WWOX: variants seen among roughly 807,000 people sequenced by gnomAD.
The protein encoded by WWOX is WW domain containing oxidoreductase.
WWOX carries 69 observed loss-of-function variants against 46.2 expected under a neutral mutation model. The observed-to-expected ratio is 1.49, with a 90% CI of 1.23 to 1.82. The LOEUF (loss-of-function observed/expected upper bound fraction) is 1.82, where lower values mean the gene tolerates loss of function less well. WWOX is among the 40% of genes most tolerant of loss of function. The pLI is 0.00. For synonymous variants in WWOX, 359 were observed against 202.6 expected (o/e 1.77, Z -6.56); for missense variants, 919 against 542.6 (o/e 1.69, Z -6.89).
At chr16:78,820,039 A>G (rs78693240) in intron 8 of WWOX, among the ~76,000 whole-genome samples, 6,662 of 152,260 alleles carry the variant, frequency 0.044, 186 homozygotes, top group Non-Finnish European at 0.063. Flanking sequence ...TAACTCTGGC[A>G]TTGTTCTTAC....
rs199602602 is a variant in WWOX at position 79,065,854 on chromosome 16, C to T, written c.1057-145754C>T. Among the ~76,000 whole-genome samples the T allele has an allele frequency of 1.2e-4, 13 of 105,632 alleles. No individual in the cohort carries two copies. In the East Asian group the frequency reaches 1.4e-3, roughly 12 times the overall value. The allele number at this position is 105,632 out of a possible 152,430, so 69.3% of individuals were successfully genotyped here. ...TAGAAGCAAGATGGAGTCAGCTATG[C>T]TGTCATATTCCTCTTATGGTCACAA... On this transcript the variant is annotated intron_variant, in intron 8 of 8. Transcript: ENST00000566780.
Position 79,072,273 on chromosome 16 carries a change from G to A in WWOX, c.1057-139335G>A, listed in dbSNP as rs189909359. On this transcript the variant is annotated intron_variant, in intron 8 of 8. Transcript: ENST00000566780. ...TGCAATCTAGCCTGAGTAACAGAAT[G>A]AGACTGTCCCCCCAACCCCCCAAAA... 5.8e-4 allele frequency among the ~76,000 whole-genome samples: 88 copies of A among 152,264 alleles called. 2 individuals carry two copies. In the East Asian group the frequency reaches 0.013, roughly 22 times the overall value.
intron 8 of WWOX, among the ~76,000 whole-genome samples, chr16:79,190,155 G>T (rs751941896): frequency 7.2e-5 from 11 of 152,004 alleles, no homozygotes; most frequent in Admixed American, 2.0e-4. Flanking sequence ...CTCCCGAGTA[G>T]CTGGGATTTT....
intron 8 of WWOX, among the ~76,000 whole-genome samples, chr16:78,680,761 T>G (rs558253317): frequency 2.5e-4 from 38 of 152,270 alleles, no homozygotes; most frequent in Admixed American, 1.8e-3. Context: ...TTGCACAGTT[T>G]GGGTATGGAG....
chr16:78,646,661 C>G (rs1481399182), intron 8 of WWOX, among the ~76,000 whole-genome samples: 1 of 152,178 alleles, frequency 6.6e-6, no homozygotes, highest in African/African-American at 2.4e-5. Context: ...CTCCTGACCT[C>G]AGGTGATCCG....
At chr16:78,563,127 C>G (rs1055320013) in intron 8 of WWOX, among the ~76,000 whole-genome samples, 7 of 152,074 alleles carry the variant, frequency 4.6e-5, no homozygotes, top group African/African-American at 1.7e-4. Context: ...CTTTAAAAAG[C>G]TAGCCAAGAG....
At chr16:78,571,916 C>G (rs1008107816) in intron 8 of WWOX, among the ~76,000 whole-genome samples, 5 of 152,086 alleles carry the variant, frequency 3.3e-5, no homozygotes, top group Admixed American at 2.6e-4. Context: ...TTCACACTCA[C>G]CAGATTGGCA....
chr16:79,023,745 C>T (rs562202301), intron 8 of WWOX, among the ~76,000 whole-genome samples: 1 of 151,050 alleles, frequency 6.6e-6, no homozygotes, highest in South Asian at 2.1e-4. Flanking sequence ...GGTGGTGATA[C>T]CCCATCTCTA....
chr16:78,939,144 C>T (rs182815264), intron 8 of WWOX, among the ~76,000 whole-genome samples: 27 of 152,256 alleles, frequency 1.8e-4, no homozygotes, highest in Admixed American at 1.6e-3. Flanking sequence ...CTCGAAGTCA[C>T]GTCCATGTTG....
intron 8 of WWOX, among the ~76,000 whole-genome samples, chr16:78,817,101 G>C (rs2051351300): frequency 6.6e-6 from 1 of 150,664 alleles, no homozygotes; most frequent in Non-Finnish European, 1.5e-5. Context: ...GTAATCCCTG[G>C]TGGAGCTAAG....
At chr16:79,011,305 A>C (rs536487730) in intron 8 of WWOX, among the ~76,000 whole-genome samples, 225 of 151,554 alleles carry the variant, frequency 1.5e-3, no homozygotes, top group Admixed American at 4.6e-3. Flanking sequence ...AATTAACACT[A>C]TTACGTAGTA....
chr16:78,331,363 C>G (rs1284868286), intron 5 of WWOX, among the ~76,000 whole-genome samples: 1 of 152,066 alleles, frequency 6.6e-6, no homozygotes, highest in Non-Finnish European at 1.5e-5. Context: ...ACTTATAACC[C>G]CTTCAGGTCC....
intron 8 of WWOX, among the ~76,000 whole-genome samples, chr16:79,055,840 G>T (rs1449540535): frequency 6.6e-6 from 1 of 152,158 alleles, no homozygotes; most frequent in East Asian, 1.9e-4. Context: ...TCTTAGGCTT[G>T]TAGATGTTGA....
At chr16:79,195,561 C>G (rs1233747440) in intron 8 of WWOX, among the ~76,000 whole-genome samples, 2 of 152,156 alleles carry the variant, frequency 1.3e-5, no homozygotes, top group Non-Finnish European at 2.9e-5. Flanking sequence ...ATATCCACTA[C>G]AGTTTCTTGG....
chr16:78,739,072 G>A (rs1478593963), intron 8 of WWOX, among the ~76,000 whole-genome samples: 3 of 152,158 alleles, frequency 2.0e-5, no homozygotes, highest in Non-Finnish European at 4.4e-5. Context: ...AAGGAATAGA[G>A]GGTTCCTCAC....
At chr16:78,602,445 G>A (rs990716992) in intron 8 of WWOX, among the ~76,000 whole-genome samples, 1 of 152,126 alleles carries the variant, frequency 6.6e-6, no homozygotes, top group Non-Finnish European at 1.5e-5. Flanking sequence ...TATTGGCCAG[G>A]CTGATCTCGA....
At chr16:78,927,235 T>C (rs1160412287) in intron 8 of WWOX, among the ~76,000 whole-genome samples, 1 of 152,198 alleles carries the variant, frequency 6.6e-6, no homozygotes, top group Non-Finnish European at 1.5e-5. Flanking sequence ...GCCTGGCTGG[T>C]TGTTACTTAT....
intron 8 of WWOX, among the ~76,000 whole-genome samples, chr16:78,548,074 G>A (rs752867050): frequency 6.8e-6 from 1 of 146,220 alleles, no homozygotes; most frequent in African/African-American, 2.5e-5. Flanking sequence ...AGAATCACTT[G>A]AACCCAGGAG....
chr16:79,025,804 C>CTTTTTT (rs60681938), intron 8 of WWOX, among the ~76,000 whole-genome samples: 1 of 104,072 alleles, frequency 9.6e-6, no homozygotes, highest in Non-Finnish European at 1.8e-5. Context: ...TGCTTGCTTG[C>CTTTTTT]TTTTTTTTTT....
Sources: allele counts gnomAD v4.1 joint callset (sites outside exome capture counted in the v4.1 genomes callset), GRCh38; gene constraint gnomAD v4.1.1; transcripts MANE v1.5; gene names NCBI Gene and HGNC (gene_info 2026-07-23, HGNC 2026-07-21).